The following ZDHHC21 variants were observed in gnomAD, a reference collection of about 807,000 sequenced individuals.
The protein encoded by ZDHHC21 is zDHHC palmitoyltransferase 21.
ZDHHC21 carries 15 observed loss-of-function variants against 34.6 expected under a neutral mutation model. That is an observed-to-expected ratio of 0.43 (90% CI 0.29 to 0.67). The LOEUF (loss-of-function observed/expected upper bound fraction) is 0.67. Ranked by LOEUF, ZDHHC21 falls within the 30% of genes least tolerant of loss-of-function variation. The pLI, the probability that ZDHHC21 is intolerant of heterozygous loss-of-function variation, is 0.14. For synonymous variants in ZDHHC21, 142 were observed against 101.8 expected (o/e 1.40, Z -2.38); for missense variants, 344 against 327.7 (o/e 1.05, Z -0.38).
intron 7 of ZDHHC21, among the ~76,000 whole-genome samples, chr9:14,653,560 G>GT (rs200359451): frequency 3.9e-4 from 59 of 151,530 alleles, no homozygotes; most frequent in East Asian, 3.9e-4. Flanking sequence ...GGGTTTTGTT[G>GT]TTTTTTTTGC....
At chr9:14,621,287 TG>T (rs1825263341) in intron 8 of ZDHHC21, among the ~76,000 whole-genome samples, 1 of 151,912 alleles carries the variant, frequency 6.6e-6, no homozygotes. Flanking sequence ...ATAAGGCAAA[TG>T]AAAGGTCAGA....
intron 1 of ZDHHC21, among the ~76,000 whole-genome samples, chr9:14,691,864 G>A (rs138125336): frequency 6.6e-5 from 10 of 152,208 alleles, no homozygotes; most frequent in African/African-American, 2.2e-4. Context: ...TTCAAACCAC[G>A]TTAAAGGGTC....
chr9:14,674,526 A>G (rs1836014265), intron 3 of ZDHHC21, 141 bp from the exon 4 acceptor site: 1 of 495,026 alleles, frequency 2.0e-6, no homozygotes, highest in Non-Finnish European at 3.5e-6. Context: ...ATATTTATTG[A>G]TATTTCTTTG....
In ZDHHC21 at chr9:14,658,748, C is replaced by T; in HGVS notation, c.504+1G>A. The T allele has an allele frequency of 2.5e-6, 4 of 1,613,170 alleles. No homozygotes were observed. Among genetic ancestry groups the T allele is most frequent in the Non-Finnish European group, 3.4e-6 (4 of 1,179,664 alleles). ...GGCCTCCCAATATAAACATTTCTTACCAAATTACGCTTTTTTAGTGGAAGA... is the reference window on the plus strand; with the variant it reads ...GGCCTCCCAATATAAACATTTCTTATCAAATTACGCTTTTTTAGTGGAAGA... On this transcript the variant is annotated splice_donor_variant, in intron 7 of 9. Transcript: ENST00000380916. LOFTEE classifies it high-confidence loss of function.
chr9:14,591,964 G>A, the ZDHHC21 span, among the ~76,000 whole-genome samples: 1,280 of 152,050 alleles, frequency 8.4e-3, 16 homozygotes, highest in Non-Finnish European at 0.013. Context: ...TTATCTTACA[G>A]ACATATAGTT....
In ZDHHC21 at chr9:14,619,505, T is replaced by C. The variant is rs1586877880; in HGVS notation, c.665+134A>G. The C allele has an allele frequency of 2.7e-5, 20 of 737,814 alleles. No homozygotes were observed. The East Asian group carries it at 6.5e-4, about 24-fold the overall frequency. 45.7% of individuals were successfully genotyped at this position (737,814 alleles called of 1,614,324 possible). On this transcript the variant is annotated intron_variant, in intron 9 of 9. Coordinates refer to ENST00000380916, the MANE Select transcript of ZDHHC21 (RefSeq NM_178566.6). ...TACTGTAAGACTGGGGTAGCTTGCC[T>C]AGCACAGGCCTCAGACAATGCACCA...
chr9:14,591,621 A>G, the ZDHHC21 span, among the ~76,000 whole-genome samples: 2 of 152,208 alleles, frequency 1.3e-5, no homozygotes, highest in African/African-American at 4.8e-5. Flanking sequence ...TTAAGTCAGC[A>G]GTTCTAAAAC....
chr9:14,598,376 A>G, the ZDHHC21 span, among the ~76,000 whole-genome samples: 1 of 152,198 alleles, frequency 6.6e-6, no homozygotes, highest in African/African-American at 2.4e-5. Context: ...TACGACGACT[A>G]TACTACTGTG....
downstream of ZDHHC21, among the ~76,000 whole-genome samples, chr9:14,607,210 G>C (rs1823040208): frequency 6.6e-6 from 1 of 152,054 alleles, no homozygotes; most frequent in South Asian, 2.1e-4. Context: ...CAGTTTGTGA[G>C]GCCAAGGCGG....
intron 3 of ZDHHC21, among the ~76,000 whole-genome samples, chr9:14,679,310 A>G (rs1836961751): frequency 6.6e-6 from 1 of 152,158 alleles, no homozygotes; most frequent in African/African-American, 2.4e-5. Flanking sequence ...AATTTGTTAA[A>G]ATGTTAGGTA....
chr9:14,649,157 A>T (rs114411451), intron 7 of ZDHHC21, among the ~76,000 whole-genome samples: 3,482 of 152,112 alleles, frequency 0.023, 131 homozygotes, highest in African/African-American at 0.079. Flanking sequence ...TCTGTGGGGG[A>T]AAGTCAACCT....
chr9:14,613,361 T>TTTA lies in ZDHHC21; in HGVS notation c.*5604_*5605insTAA, dbSNP rs1411292625. 6.6e-6 allele frequency: 1 copy of TTTA among 151,864 alleles called. No homozygotes were observed. Among genetic ancestry groups the TTTA allele is most frequent in the Non-Finnish European group, 1.5e-5 (1 of 67,872 alleles). 9.4% of individuals were successfully genotyped at this position (151,864 alleles called of 1,614,324 possible). On this transcript the variant is annotated 3_prime_UTR_variant, in exon 10 of 10. Transcript: ENST00000380916. ...TGCTAAAGTGAATAGCACCAGGATG[T>TTTA]TTTATAGTTGTTGAGGTTATAAAAC... is the stretch of plus-strand genomic sequence containing the variant.
chr9:14,594,649 C>T, the ZDHHC21 span, among the ~76,000 whole-genome samples: 1 of 152,098 alleles, frequency 6.6e-6, no homozygotes, highest in Non-Finnish European at 1.5e-5. Context: ...AAGCAAAGAC[C>T]TCTTAGATAA....
chr9:14,591,396 G>A, the ZDHHC21 span, among the ~76,000 whole-genome samples: 4 of 152,086 alleles, frequency 2.6e-5, no homozygotes, highest in Admixed American at 6.5e-5. Flanking sequence ...TTCTGCCACT[G>A]AGAATGCAAC....
intron 6 of ZDHHC21, among the ~76,000 whole-genome samples, chr9:14,660,830 T>C (rs886100951): frequency 6.6e-6 from 1 of 152,156 alleles, no homozygotes; most frequent in Non-Finnish European, 1.5e-5. Flanking sequence ...AAAAAAAGCA[T>C]CAATATCCAC....
At chr9:14,604,168 A>G in the ZDHHC21 span, among the ~76,000 whole-genome samples, 1 of 152,162 alleles carries the variant, frequency 6.6e-6, no homozygotes, top group Non-Finnish European at 1.5e-5. Flanking sequence ...TGGAGTGTAA[A>G]TTGGTTTGAC....
At chr9:14,603,274 G>C in the ZDHHC21 span, among the ~76,000 whole-genome samples, 4,540 of 152,112 alleles carry the variant, frequency 0.03, 106 homozygotes, top group Middle Eastern at 0.099. Context: ...TTAAAAGTAT[G>C]ATAGGAAATA....
chr9:14,661,947 T>C (rs1222917467), intron 6 of ZDHHC21, among the ~76,000 whole-genome samples: 1 of 152,232 alleles, frequency 6.6e-6, no homozygotes, highest in African/African-American at 2.4e-5. Flanking sequence ...CCTCATTTAA[T>C]ACAACCACCT....
intron 7 of ZDHHC21, among the ~76,000 whole-genome samples, chr9:14,641,436 C>A (rs750334184): frequency 6.6e-6 from 1 of 152,136 alleles, no homozygotes; most frequent in Non-Finnish European, 1.5e-5. Context: ...TTTAAAAACA[C>A]AAATTTGTTC....
Sources: allele counts gnomAD v4.1 joint callset (sites outside exome capture counted in the v4.1 genomes callset), GRCh38; gene constraint gnomAD v4.1.1; transcripts MANE v1.5; gene names NCBI Gene and HGNC (gene_info 2026-07-23, HGNC 2026-07-21).